The following ALK variants were observed in gnomAD, a reference collection of about 807,000 sequenced individuals.
ALK encodes the protein ALK receptor tyrosine kinase, also known as ALK tyrosine kinase receptor.
ALK carries 74 observed loss-of-function variants against 163.1 expected under a neutral mutation model. The ratio of observed to expected loss-of-function variants is 0.45; its 90% confidence interval spans 0.38 to 0.55. ALK has a LOEUF of 0.55. Ranked by LOEUF, ALK falls within the 20% of genes least tolerant of loss-of-function variation. The pLI, the probability that ALK is intolerant of heterozygous loss-of-function variation, is 0.00. For synonymous variants in ALK, 960 were observed against 843.2 expected (o/e 1.14, Z -2.40); for missense variants, 2,063 against 2,105.3 (o/e 0.98, Z 0.39).
At chr2:29,647,773 T>G (rs1676922793) in intron 3 of ALK, among the ~76,000 whole-genome samples, 1 of 101,776 alleles carries the variant, frequency 9.8e-6, no homozygotes, top group South Asian at 3.3e-4. Flanking sequence ...TCATGATTTT[T>G]TCTTTTTTTT....
intron 3 of ALK, among the ~76,000 whole-genome samples, chr2:29,622,383 G>A (rs769501889): frequency 1.3e-4 from 20 of 152,032 alleles, no homozygotes; most frequent in Non-Finnish European, 2.1e-4. Flanking sequence ...ACATGGCAGC[G>A]GCAAGAGAAA....
intron 3 of ALK, among the ~76,000 whole-genome samples, chr2:29,560,354 G>A (rs1673985262): frequency 6.6e-6 from 1 of 152,162 alleles, no homozygotes; most frequent in Non-Finnish European, 1.5e-5. Context: ...AGACACAAAA[G>A]ACCATGTATT....
At chr2:29,666,032 G>A (rs760540135) in intron 3 of ALK, among the ~76,000 whole-genome samples, 10 of 151,942 alleles carry the variant, frequency 6.6e-5, no homozygotes, top group Admixed American at 1.3e-4. Flanking sequence ...CGAAGTTCAC[G>A]CAACAGTGCT....
rs575807062 is a variant in ALK, at chr2:29,580,140, T to G, written c.953-48024A>C. Among the ~76,000 whole-genome samples, 12 of 152,318 alleles carry G rather than the reference T, an allele frequency of 7.9e-5. No individual in the cohort carries two copies. The East Asian group carries it at 2.3e-3, about 29-fold the overall frequency. Reference sequence around the variant, plus strand: ...TGTCGGTTTTATGCATATGTCCACATGATTCTTATATTAAGCCACAGGAAA... The same window carrying G: ...TGTCGGTTTTATGCATATGTCCACAGGATTCTTATATTAAGCCACAGGAAA... On this transcript the variant is annotated intron_variant, in intron 3 of 28. Coordinates refer to ENST00000389048, the MANE Select transcript of ALK (RefSeq NM_004304.5).
chr2:29,911,706 TC>T (rs1271095548), intron 1 of ALK, among the ~76,000 whole-genome samples: 1 of 151,978 alleles, frequency 6.6e-6, no homozygotes, highest in Non-Finnish European at 1.5e-5. Context: ...CACACCCAAC[TC>T]AGACCAAACA....
At chr2:29,707,892 C>A (rs1288106218) in intron 2 of ALK, among the ~76,000 whole-genome samples, 1 of 152,116 alleles carries the variant, frequency 6.6e-6, no homozygotes, top group Admixed American at 6.6e-5. Context: ...ATGACATAGA[C>A]AACCAAAAGG....
chr2:29,224,769 G>C (rs1161301140), intron 19 of ALK: 1 of 217,070 alleles, frequency 4.6e-6, no homozygotes, highest in Non-Finnish European at 9.3e-6. Flanking sequence ...TCCCTTTGAG[G>C]GATGGCACCA....
intron 24 of ALK, among the ~76,000 whole-genome samples, chr2:29,211,186 T>G (rs528603325): frequency 6.6e-6 from 1 of 152,320 alleles, no homozygotes; most frequent in South Asian, 2.1e-4. Context: ...GGTAGGAGAT[T>G]CATGTTGTTA....
At chr2:29,782,700 C>A (rs10495769) in intron 1 of ALK, among the ~76,000 whole-genome samples, 22,634 of 152,090 alleles carry the variant, frequency 0.15, 3,439 homozygotes, top group African/African-American at 0.39. Flanking sequence ...AAGCAGTAAC[C>A]ATTTCGAGCA....
chr2:29,710,499 C>CGTGTGTGTGTGTGTGTGTGCGT, intron 2 of ALK, among the ~76,000 whole-genome samples: 1 of 144,764 alleles, frequency 6.9e-6, no homozygotes, highest in East Asian at 2.1e-4. Context: ...AGTCTGTGTG[C>CGTGTGTGTGTGTGTGTGTGCGT]GTGTGTGTGT....
intron 3 of ALK, among the ~76,000 whole-genome samples, chr2:29,648,083 T>C (rs899276481): frequency 1.3e-5 from 2 of 152,178 alleles, no homozygotes; most frequent in Non-Finnish European, 2.9e-5. Context: ...ACCCTCTCCA[T>C]GAAGAAGAAA....
intron 6 of ALK, 24 bp from the exon 7 acceptor site, chr2:29,320,906 C>G (rs1247737996): frequency 1.2e-6 from 2 of 1,614,088 alleles, no homozygotes; most frequent in Admixed American, 3.3e-5. Flanking sequence ...AGAGAGGCAC[C>G]ATCATTTTCA....
chr2:29,715,528 T>G (rs1276580995), intron 2 of ALK, among the ~76,000 whole-genome samples: 3 of 152,188 alleles, frequency 2.0e-5, no homozygotes, highest in Non-Finnish European at 4.4e-5. Context: ...GGAGGCAGCT[T>G]AATAAGCTTT....
intron 2 of ALK, among the ~76,000 whole-genome samples, chr2:29,697,229 G>A (rs1010147222): frequency 6.6e-6 from 1 of 152,130 alleles, no homozygotes; most frequent in Non-Finnish European, 1.5e-5. Context: ...TGCTTTGCCA[G>A]CCCTATAATC....
intron 15 of ALK, among the ~76,000 whole-genome samples, chr2:29,230,289 CTTTT>C (rs5830106): frequency 7.2e-6 from 1 of 138,920 alleles, no homozygotes; most frequent in African/African-American, 2.7e-5. Context: ...ACACAATCAT[CTTTT>C]TTTTTTTTTT....
At chr2:29,539,072 C>T (rs1673341009) in intron 3 of ALK, among the ~76,000 whole-genome samples, 1 of 151,998 alleles carries the variant, frequency 6.6e-6, no homozygotes, top group South Asian at 2.1e-4. Flanking sequence ...ATCAGCTGTA[C>T]TTTTCCTTTA....
At chr2:29,678,570 T>C (rs1396589964) in intron 3 of ALK, among the ~76,000 whole-genome samples, 2 of 151,480 alleles carry the variant, frequency 1.3e-5, no homozygotes, top group Admixed American at 1.3e-4. Context: ...ATTTAGAAGT[T>C]CATTATTTAA....
At chr2:29,492,378 C>T (rs555561427) in intron 4 of ALK, among the ~76,000 whole-genome samples, 2 of 152,244 alleles carry the variant, frequency 1.3e-5, no homozygotes, top group South Asian at 4.2e-4. Context: ...AATATAGTGC[C>T]TGACCTTATA....
chr2:29,479,387 A>G (rs3885974), intron 4 of ALK, among the ~76,000 whole-genome samples: 76,607 of 152,070 alleles, frequency 0.5, 20,493 homozygotes, highest in South Asian at 0.64. Context: ...GCTTGAACAC[A>G]CAGGCCTGAA....
Sources: gnomAD v4.1 joint callset for allele counts (sites outside exome capture counted in the v4.1 genomes callset) on GRCh38, gnomAD v4.1.1 for gene constraint, MANE v1.5 for transcripts, NCBI Gene and HGNC (gene_info 2026-07-23, HGNC 2026-07-21) for gene names.